Variants in SWT1 observed in about 807,000 individuals in gnomAD.
The protein encoded by SWT1 is transcriptional protein SWT1.
In SWT1, 33 loss-of-function variants were observed where a neutral mutation model predicts 107.3. The observed-to-expected ratio is 0.31, with a 90% CI of 0.23 to 0.41. SWT1 has a LOEUF of 0.41. Ranked by LOEUF, SWT1 falls within the 10% of genes least tolerant of loss-of-function variation. SWT1 has a pLI of 1.00. For missense variants in SWT1, 898 were observed against 1,028.9 expected (o/e 0.87, Z 1.74); for synonymous variants, 345 against 348.3 (o/e 0.99, Z 0.11).
chr1:185,256,378 T>G (rs1049878003), intron 16 of SWT1, among the ~76,000 whole-genome samples: 1 of 149,490 alleles, frequency 6.7e-6, no homozygotes, highest in East Asian at 2.0e-4. Context: ...CAGAGTGTTT[T>G]CCAACTTGGT....
At chr1:185,205,581 A>G (rs930436717) in intron 12 of SWT1, among the ~76,000 whole-genome samples, 2 of 151,978 alleles carry the variant, frequency 1.3e-5, no homozygotes, top group Non-Finnish European at 2.9e-5. Context: ...GTTGGTCAGG[A>G]TGGTCTTGAA....
chr1:185,279,904 T>G (rs566926262), intron 18 of SWT1, among the ~76,000 whole-genome samples: 1 of 152,148 alleles, frequency 6.6e-6, no homozygotes, highest in East Asian at 1.9e-4. Context: ...ATAATCTTTG[T>G]TTTTGTTTTT....
chr1:185,168,455 T>G, intron 4 of SWT1, 57 bp downstream of exon 4: 1 of 1,167,770 alleles, frequency 8.6e-7, no homozygotes, highest in East Asian at 3.1e-5. Context: ...GACTAAATAT[T>G]TGGATTTAAA....
chr1:185,182,972 C>A (rs1281452962), intron 7 of SWT1, among the ~76,000 whole-genome samples: 3 of 151,780 alleles, frequency 2.0e-5, no homozygotes, highest in Non-Finnish European at 4.4e-5. Flanking sequence ...CCCATCTCTA[C>A]TAAAAATACG....
intron 16 of SWT1, chr1:185,251,369 C>G (rs1223758408): frequency 6.5e-6 from 1 of 152,794 alleles, no homozygotes; most frequent in Non-Finnish European, 1.5e-5. Context: ...GTTACAGATT[C>G]TTTTGTTCCT....
chr1:185,277,631 C>CCTCG (rs1049000407), intron 18 of SWT1, among the ~76,000 whole-genome samples: 1 of 152,110 alleles, frequency 6.6e-6, no homozygotes, highest in African/African-American at 2.4e-5. Flanking sequence ...ACTTCTTTGA[C>CCTCG]CTCGCATACC....
rs144082323 is a variant in SWT1, at chr1:185,183,975, C to T, written c.1139-268C>T. Among the ~76,000 whole-genome samples, 102 of 152,244 alleles carry T rather than the reference C, an allele frequency of 6.7e-4. 1 individual carries two copies. In the East Asian group the frequency reaches 0.016, roughly 24 times the overall value. On this transcript the variant is annotated intron_variant, in intron 7 of 18. Transcript: ENST00000367500. The stretch of plus-strand genomic sequence containing the variant: ...TGCCCACTTTGACTTAGACGATTCT[C>T]CACCCCACTCCCACTCCAAACAGGG...
chr1:185,158,509 CTT>C (rs145202662), intron 1 of SWT1, among the ~76,000 whole-genome samples: 48 of 138,034 alleles, frequency 3.5e-4, no homozygotes, highest in Middle Eastern at 3.7e-3. Context: ...GTTCTCATTT[CTT>C]TTTTTTTTTT....
chr1:185,224,611 A>G (rs1659913989), intron 15 of SWT1, among the ~76,000 whole-genome samples: 1 of 152,222 alleles, frequency 6.6e-6, no homozygotes, highest in Non-Finnish European at 1.5e-5. Flanking sequence ...ATACATGAAC[A>G]TGAGATATCT....
chr1:185,197,464 A>C (rs1202570564), intron 10 of SWT1, among the ~76,000 whole-genome samples: 1 of 152,190 alleles, frequency 6.6e-6, no homozygotes, highest in African/African-American at 2.4e-5. Flanking sequence ...TATCAGGATG[A>C]TGCTGGCCTC....
At chr1:185,177,842 C>T (rs1264992373) in intron 5 of SWT1, among the ~76,000 whole-genome samples, 1 of 152,152 alleles carries the variant, frequency 6.6e-6, no homozygotes, top group East Asian at 1.9e-4. Context: ...AGTTTATCGG[C>T]TACTTTTAAA....
intron 16 of SWT1, among the ~76,000 whole-genome samples, chr1:185,236,399 C>T (rs1164455996): frequency 6.6e-6 from 1 of 152,148 alleles, no homozygotes. Context: ...GAACAGAGGC[C>T]TCAGAAGTAA....
At chr1:185,235,058 A>C (rs1018849730) in intron 16 of SWT1, among the ~76,000 whole-genome samples, 1 of 152,218 alleles carries the variant, frequency 6.6e-6, no homozygotes, top group Non-Finnish European at 1.5e-5. Flanking sequence ...TCTGAAATTG[A>C]GGCAGCAATT....
At chr1:185,196,466 C>T (rs1320813516) in intron 10 of SWT1, among the ~76,000 whole-genome samples, 2 of 152,118 alleles carry the variant, frequency 1.3e-5, no homozygotes, top group African/African-American at 4.8e-5. Flanking sequence ...CTTGGCTATA[C>T]GGGCTCTTTC....
intron 4 of SWT1, among the ~76,000 whole-genome samples, chr1:185,170,596 A>G (rs1044041825): frequency 6.6e-6 from 1 of 152,194 alleles, no homozygotes; most frequent in African/African-American, 2.4e-5. Context: ...TGGAAGCTCT[A>G]TTCCTCTAGC....
intron 3 of SWT1, 71 bp from the exon 4 acceptor site, chr1:185,168,269 C>A: frequency 3.4e-6 from 3 of 888,544 alleles, no homozygotes; most frequent in Non-Finnish European, 3.2e-6. Flanking sequence ...TCAGCCTATT[C>A]ACTATCATAA....
At chr1:185,251,447 A>G (rs1471313952) in intron 16 of SWT1, 1 of 152,216 alleles carries the variant, frequency 6.6e-6, no homozygotes, top group Non-Finnish European at 1.5e-5. Flanking sequence ...ATATTATTAT[A>G]TACTTGCTGA....
chr1:185,165,010 T>C (rs1291750399), intron 2 of SWT1, among the ~76,000 whole-genome samples: 3 of 152,256 alleles, frequency 2.0e-5, no homozygotes, highest in Admixed American at 6.5e-5. Context: ...GAGAGACTTA[T>C]AATTCTTCCT....
intron 18 of SWT1, among the ~76,000 whole-genome samples, chr1:185,282,034 ATG>A (rs1223743080): frequency 6.6e-6 from 1 of 152,170 alleles, no homozygotes; most frequent in East Asian, 1.9e-4. Context: ...TGAGTTGAGG[ATG>A]TAATAGTCAG....
Sources: allele counts gnomAD v4.1 joint callset (sites outside exome capture counted in the v4.1 genomes callset), GRCh38; gene constraint gnomAD v4.1.1; transcripts MANE v1.5; gene names NCBI Gene and HGNC (gene_info 2026-07-23, HGNC 2026-07-21).